HIVEP3: variants seen among roughly 807,000 people sequenced by gnomAD.
HIVEP3 encodes transcription factor HIVEP3.
A neutral mutation model predicts 152.8 loss-of-function variants in HIVEP3; 49 were observed. That is an observed-to-expected ratio of 0.32 (90% CI 0.26 to 0.41). The LOEUF is 0.41. Ranked by LOEUF, HIVEP3 falls within the 10% of genes least tolerant of loss-of-function variation. The probability of loss-of-function intolerance (pLI) is 1.00; values close to 1 mark genes in which losing one functional copy is unlikely to be tolerated. For synonymous variants in HIVEP3, 1,269 were observed against 1,289.0 expected (o/e 0.98, Z 0.33); for missense variants, 2,790 against 3,103.3 (o/e 0.90, Z 2.40).
intron 1 of HIVEP3, among the ~76,000 whole-genome samples, chr1:41,819,531 T>G (rs1642524274): frequency 6.6e-6 from 1 of 152,226 alleles, no homozygotes; most frequent in South Asian, 2.1e-4. Flanking sequence ...ACATTTCCTC[T>G]CAGAATTGTT....
intron 1 of HIVEP3, among the ~76,000 whole-genome samples, chr1:41,743,200 A>T (rs1218475535): frequency 6.6e-6 from 1 of 152,156 alleles, no homozygotes. Flanking sequence ...GCAACATGCC[A>T]CACAGCCTGC....
intron 1 of HIVEP3, among the ~76,000 whole-genome samples, chr1:41,842,787 C>T (rs1021882149): frequency 6.6e-6 from 1 of 152,180 alleles, no homozygotes; most frequent in African/African-American, 2.4e-5. Flanking sequence ...GCAATTTTAG[C>T]TCTTTTTGCC....
At chr1:41,571,887 T>C (rs76816800) in intron 5 of HIVEP3, among the ~76,000 whole-genome samples, 4,309 of 152,228 alleles carry the variant, frequency 0.028, 91 homozygotes, top group Non-Finnish European at 0.04. Context: ...GGCAGAATCA[T>C]GTTTAGTGAT....
intron 2 of HIVEP3, among the ~76,000 whole-genome samples, chr1:41,677,638 T>G (rs575253242): frequency 3.3e-5 from 5 of 152,306 alleles, no homozygotes; most frequent in African/African-American, 9.6e-5. Flanking sequence ...TAAGAATTAG[T>G]GTTGGCCATG....
chr1:41,624,842 C>A (rs1211467742), intron 3 of HIVEP3, among the ~76,000 whole-genome samples: 1 of 152,162 alleles, frequency 6.6e-6, no homozygotes, highest in East Asian at 1.9e-4. Context: ...AACAATCTGT[C>A]ACCATTCACA....
rs1558046699 is a variant in HIVEP3, at chr1:41,544,904, CACCACTACCACCTCT to C, written c.5208-20009_5208-19995del. ...CCACCTCTACCACCACCATCACCAC[CACCACTACCACCTCT>C]ACCACCACCATCACCACCACCACCA... On this transcript the variant is annotated intron_variant, in intron 5 of 8. Transcript: ENST00000372583. Among the ~76,000 whole-genome samples, 11 of 123,082 alleles carry C rather than the reference CACCACTACCACCTCT, an allele frequency of 8.9e-5. 1 individual carries two copies. Among genetic ancestry groups the C allele is most frequent in the East Asian group, 2.8e-4 (1 of 3,546 alleles). The allele number at this position is 123,082 out of a possible 152,430, so 80.7% of individuals were successfully genotyped here. A position where few individuals can be genotyped will look rare whatever the true frequency, so the allele number is the denominator to read the frequency against.
intron 1 of HIVEP3, among the ~76,000 whole-genome samples, chr1:41,952,170 A>G (rs1224566113): frequency 6.6e-6 from 1 of 152,172 alleles, no homozygotes; most frequent in African/African-American, 2.4e-5. Flanking sequence ...TTTGCAACAG[A>G]GAGTTAAATT....
chr1:41,670,214 T>A (rs1218070557), intron 2 of HIVEP3, among the ~76,000 whole-genome samples: 1 of 152,120 alleles, frequency 6.6e-6, no homozygotes, highest in African/African-American at 2.4e-5. Flanking sequence ...CACACCCATG[T>A]CCTCATGGGT....
rs115461397 is a variant in HIVEP3 at position 41,864,318 on chromosome 1, C to A, written c.-801+54095G>T. ...TACAGAAACTTAGAGGAGGTCAGAG[C>A]CAGACAATCATCTCCCCATCCTATG... On this transcript the variant is annotated intron_variant, in intron 1 of 8. Transcript: ENST00000372583. 2.4e-3 allele frequency among the ~76,000 whole-genome samples: 368 copies of A among 152,256 alleles called. 1 individual carries two copies. The highest frequency in any genetic ancestry group is 7.9e-3 in the African/African-American group (327 of 41,522).
chr1:41,526,553 TCACCC>T (rs1642926539), intron 5 of HIVEP3, among the ~76,000 whole-genome samples: 1 of 42,968 alleles, frequency 2.3e-5, no homozygotes, highest in African/African-American at 9.9e-5. Flanking sequence ...ACACTCACCC[TCACCC>T]TCACACACCC....
intron 1 of HIVEP3, among the ~76,000 whole-genome samples, chr1:42,032,064 A>C (rs1645616089): frequency 6.6e-6 from 1 of 152,216 alleles, no homozygotes; most frequent in South Asian, 2.1e-4. Context: ...GCTCTCCAGC[A>C]CCTATTTAAC....
chr1:41,879,486 T>C (rs1344718270), intron 1 of HIVEP3, among the ~76,000 whole-genome samples: 1 of 152,264 alleles, frequency 6.6e-6, no homozygotes, highest in Non-Finnish European at 1.5e-5. Flanking sequence ...CCTGAAAATA[T>C]AAGTTTCCTT....
At chr1:41,711,837 C>T (rs1646518130) in intron 1 of HIVEP3, among the ~76,000 whole-genome samples, 1 of 152,108 alleles carries the variant, frequency 6.6e-6, no homozygotes, top group South Asian at 2.1e-4. Flanking sequence ...GGTCCAGGCA[C>T]CTGACTCTAA....
intron 2 of HIVEP3, among the ~76,000 whole-genome samples, chr1:41,678,288 A>G (rs762060299): frequency 2.0e-4 from 30 of 152,072 alleles, no homozygotes; most frequent in Non-Finnish European, 3.8e-4. Flanking sequence ...CTCCATTGGG[A>G]GCCTGATTGC....
Position 41,524,802 on chromosome 1 carries a change from G to C in HIVEP3, c.5316C>G (p.His1772Gln). 1.2e-6 allele frequency: 2 copies of C among 1,614,208 alleles called. No individual in the cohort carries two copies. The highest frequency in any genetic ancestry group is 1.7e-6 in the Non-Finnish European group (2 of 1,180,038). ...GCCGGACGTCAGTGTGGGTGCGGAT[G>C]TGTTTCTTCAGCATGCTGGGCTTCT... ...RCKKPSMLKK[H>Q]IRTHTDVRPY... Residue 1772 changes from histidine to glutamine, a missense_variant, in exon 6 of 9, where the codon CAC (histidine) becomes CAG (glutamine). This residue lies in a region of HIVEP3 where 57 missense variants were observed against 95.1 expected (regional missense o/e 0.60). Coordinates refer to ENST00000372583, the MANE Select transcript of HIVEP3 (RefSeq NM_024503.5).
upstream of HIVEP3, among the ~76,000 whole-genome samples, chr1:41,921,152 A>G (rs535440295): frequency 2.0e-5 from 3 of 152,322 alleles, no homozygotes; most frequent in South Asian, 6.2e-4. Context: ...AACCAGGGAA[A>G]GATGCCATCA....
intron 1 of HIVEP3, among the ~76,000 whole-genome samples, chr1:41,776,341 G>A (rs1648702621): frequency 6.6e-6 from 1 of 152,272 alleles, no homozygotes; most frequent in African/African-American, 2.4e-5. Context: ...GACGTTCCCT[G>A]AGCATGCCCT....
intron 2 of HIVEP3, among the ~76,000 whole-genome samples, chr1:41,653,929 C>T (rs1166948585): frequency 6.8e-6 from 1 of 146,956 alleles, no homozygotes; most frequent in Non-Finnish European, 1.5e-5. Flanking sequence ...GACACCTCTC[C>T]CTGGGCCTAA....
chr1:41,622,029 A>C (rs1645054268), intron 3 of HIVEP3, among the ~76,000 whole-genome samples: 1 of 152,220 alleles, frequency 6.6e-6, no homozygotes, highest in African/African-American at 2.4e-5. Context: ...TGACTGGCTC[A>C]TATCCTAGCT....
Sources: allele counts gnomAD v4.1 joint callset (sites outside exome capture counted in the v4.1 genomes callset), GRCh38; gene constraint gnomAD v4.1.1; regional missense constraint gnomAD v4.1.1; transcripts MANE v1.5; gene names NCBI Gene and HGNC (gene_info 2026-07-23, HGNC 2026-07-21).